The following CNTN6 variants were observed in gnomAD, a reference collection of about 807,000 sequenced individuals.
The protein encoded by CNTN6 is contactin 6.
Under a neutral mutation model 122.8 loss-of-function variants are expected in CNTN6, and 137 were observed. The ratio of observed to expected loss-of-function variants is 1.12; its 90% CI spans 0.97 to 1.29. The LOEUF is 1.29. CNTN6 is among the 50% of genes most tolerant of loss of function. The probability of loss-of-function intolerance (pLI) is 0.00; values close to 1 mark genes in which losing one functional copy is unlikely to be tolerated. For missense variants in CNTN6, 1,634 were observed against 1,223.4 expected, an observed-to-expected ratio of 1.34 and a Z score of -5.01; for synonymous variants, 570 against 426.0, an observed-to-expected ratio of 1.34 and a Z score of -4.16.
intron 1 of CNTN6, among the ~76,000 whole-genome samples, chr3:1,145,807 AG>A (rs1169013519): frequency 2.6e-5 from 4 of 152,182 alleles, no homozygotes; most frequent in Admixed American, 6.6e-5. Context: ...TGGAAAAGGA[AG>A]ATTAGAAACC....
chr3:1,292,637 C>T (rs374047262), intron 5 of CNTN6, among the ~76,000 whole-genome samples: 29 of 152,104 alleles, frequency 1.9e-4, no homozygotes, highest in African/African-American at 6.8e-4. Context: ...TCCATTTGAA[C>T]GGTTCAGAGT....
At position 1,372,436 on chromosome 3, in the gene CNTN6, T is replaced by A; in HGVS notation, c.1630T>A (p.Leu544Ile). Residue 544 changes from leucine (L) to isoleucine (I), a missense_variant, in exon 13 of 23, where the codon TTA becomes ATA. By Grantham distance (5) the Leu-to-Ile change is conservative. Coordinates refer to ENST00000446702, the MANE Select transcript of CNTN6 (RefSeq NM_001289080.2). ...VWFFNGDVID[L>I]KKGVAHFERI... Reference sequence around the variant, plus strand: ...GTTTTTCAATGGAGATGTCATAGACTTAAAAAAAGGAGTGGCTCATTTTGA... The same window carrying A: ...GTTTTTCAATGGAGATGTCATAGACATAAAAAAAGGAGTGGCTCATTTTGA... 3 of 1,611,470 alleles carry A rather than the reference T, an allele frequency of 1.9e-6. No individual in the cohort carries two copies. Among genetic ancestry groups the A allele is most frequent in the Non-Finnish European group, 2.5e-6 (3 of 1,178,974 alleles).
chr3:1,331,885 G>T (rs1453964159), intron 11 of CNTN6, among the ~76,000 whole-genome samples: 2 of 151,670 alleles, frequency 1.3e-5, no homozygotes, highest in African/African-American at 4.8e-5. Flanking sequence ...GAGGGAAACT[G>T]CTTTTTAAAA....
At chr3:1,333,461 G>GTA (rs1353436962) in intron 11 of CNTN6, among the ~76,000 whole-genome samples, 2 of 151,868 alleles carry the variant, frequency 1.3e-5, no homozygotes, top group South Asian at 4.1e-4. Flanking sequence ...TGACACAGTT[G>GTA]TATATATATG....
chr3:1,121,000 A>G (rs1185075589), intron 1 of CNTN6, among the ~76,000 whole-genome samples: 1 of 151,998 alleles, frequency 6.6e-6, no homozygotes. Context: ...TATTTTCTAC[A>G]TTTCTGATTT....
chr3:1,210,938 G>C (rs1024265303), intron 2 of CNTN6, among the ~76,000 whole-genome samples: 1 of 152,110 alleles, frequency 6.6e-6, no homozygotes, highest in African/African-American at 2.4e-5. Context: ...CTTTCTCAGC[G>C]ACCCTCACAT....
At chr3:1,234,020 G>C (rs1430112718) in intron 4 of CNTN6, among the ~76,000 whole-genome samples, 1 of 151,940 alleles carries the variant, frequency 6.6e-6, no homozygotes, top group Non-Finnish European at 1.5e-5. Flanking sequence ...TTTTTCCAGA[G>C]GAATGCAAAG....
chr3:1,318,598 T>C (rs1247261262), intron 7 of CNTN6, among the ~76,000 whole-genome samples: 1 of 151,724 alleles, frequency 6.6e-6, no homozygotes, highest in Non-Finnish European at 1.5e-5. Context: ...AGGGAAGAGA[T>C]AGTAGCCAAG....
intron 11 of CNTN6, among the ~76,000 whole-genome samples, chr3:1,337,006 A>G (rs1344812514): frequency 6.6e-6 from 1 of 152,186 alleles, no homozygotes; most frequent in East Asian, 1.9e-4. Context: ...TAGAAGTGCT[A>G]CTTATTGAGC....
At chr3:1,286,007 C>A (rs1255432339) in intron 5 of CNTN6, among the ~76,000 whole-genome samples, 1 of 152,144 alleles carries the variant, frequency 6.6e-6, no homozygotes, top group Non-Finnish European at 1.5e-5. Flanking sequence ...AAGTCCCATG[C>A]TGCACATTCC....
intron 2 of CNTN6, among the ~76,000 whole-genome samples, chr3:1,176,851 C>A (rs1168258887): frequency 6.6e-6 from 1 of 152,088 alleles, no homozygotes; most frequent in Non-Finnish European, 1.5e-5. Flanking sequence ...ATGTACTACA[C>A]ATGATCTCTA....
chr3:1,177,117 G>A (rs1337795266), intron 2 of CNTN6, among the ~76,000 whole-genome samples: 1 of 152,078 alleles, frequency 6.6e-6, no homozygotes, highest in Non-Finnish European at 1.5e-5. Context: ...CTTCTCCATG[G>A]CCTGGGATCT....
At chr3:1,340,393 G>A (rs999580388) in intron 11 of CNTN6, among the ~76,000 whole-genome samples, 2 of 152,086 alleles carry the variant, frequency 1.3e-5, no homozygotes, top group Non-Finnish European at 2.9e-5. Context: ...CTGATAGATG[G>A]AGTCTTATTT....
At position 1,321,755 on chromosome 3, in the gene CNTN6, A is replaced by C. The variant is rs147224770; in HGVS notation, c.867A>C (p.Gln289His). The change falls in exon 8 of 23, where the codon CAA becomes CAC. Residue 289 changes from glutamine to histidine, a missense_variant. Physicochemically the swap from Gln to His is conservative, Grantham distance 24 (BLOSUM62 0). Coordinates refer to ENST00000446702, the MANE Select transcript of CNTN6 (RefSeq NM_001289080.2). ...QAILEIPNFQ[Q>H]EDEGFYECIA... The stretch of plus-strand genomic sequence containing the variant: ...TCCTTGAAATCCCGAACTTCCAACA[A>C]GAAGATGAAGGCTTTTATGAGTGCA... 5 of 1,611,882 alleles carry C rather than the reference A, an allele frequency of 3.1e-6. No individual in the cohort carries two copies. In the East Asian group the frequency reaches 8.9e-5, roughly 29 times the overall value.
intron 4 of CNTN6, among the ~76,000 whole-genome samples, chr3:1,237,067 C>T (rs925344945): frequency 4.0e-5 from 6 of 150,416 alleles, no homozygotes; most frequent in East Asian, 2.0e-4. Flanking sequence ...GGCAACAGTG[C>T]GAGACTCTGT....
At chr3:1,377,885 C>T (rs1209458980) in intron 17 of CNTN6, among the ~76,000 whole-genome samples, 1 of 152,136 alleles carries the variant, frequency 6.6e-6, no homozygotes, top group Non-Finnish European at 1.5e-5. Context: ...CTAGTTATGG[C>T]AAATTATCAG....
intron 2 of CNTN6, among the ~76,000 whole-genome samples, chr3:1,158,815 TACACACACA>T (rs2093040401): frequency 1.5e-4 from 19 of 130,400 alleles, no homozygotes; most frequent in African/African-American, 5.1e-4. Flanking sequence ...CACATATATA[TACACACACA>T]TATATATACA....
intron 4 of CNTN6, among the ~76,000 whole-genome samples, chr3:1,260,960 A>T (rs555796636): frequency 6.6e-6 from 1 of 152,242 alleles, no homozygotes; most frequent in East Asian, 1.9e-4. Context: ...AATACACATT[A>T]TATTCTCTCC....
chr3:1,337,466 T>C (rs1214788786), intron 11 of CNTN6, among the ~76,000 whole-genome samples: 1 of 152,172 alleles, frequency 6.6e-6, no homozygotes, highest in Admixed American at 6.6e-5. Flanking sequence ...TTAACCATTA[T>C]ATAGCAACTG....
Sources: allele counts gnomAD v4.1 joint callset (sites outside exome capture counted in the v4.1 genomes callset), GRCh38; gene constraint gnomAD v4.1.1; transcripts MANE v1.5; gene names NCBI Gene and HGNC (gene_info 2026-07-23, HGNC 2026-07-21).